Variants in TAFA1 observed in about 807,000 individuals in gnomAD.
TAFA1 encodes the protein chemokine-like protein TAFA-1.
A neutral mutation model predicts 18.5 loss-of-function variants in TAFA1; 4 were observed. The ratio of observed to expected loss-of-function variants is 0.22; its 90% CI spans 0.11 to 0.49. The LOEUF (loss-of-function observed/expected upper bound fraction) is 0.49, where lower values mean the gene tolerates loss of function less well. Among genes scored for constraint, TAFA1 ranks in the 20% least tolerant of loss-of-function variants. The pLI is 0.98. For synonymous variants in TAFA1, 56 were observed against 55.2 expected (o/e 1.01, Z -0.06); for missense variants, 147 against 169.0 (o/e 0.87, Z 0.72).
intron 2 of TAFA1, among the ~76,000 whole-genome samples, chr3:68,172,356 A>G (rs2066066458): frequency 6.6e-6 from 1 of 152,162 alleles, no homozygotes; most frequent in Non-Finnish European, 1.5e-5. Flanking sequence ...ATACTACTTC[A>G]TACCTCCTAA....
chr3:68,272,613 C>G (rs9870696), intron 2 of TAFA1, among the ~76,000 whole-genome samples: 1,975 of 152,106 alleles, frequency 0.013, 46 homozygotes, highest in African/African-American at 0.045. Context: ...TTAAGAATAC[C>G]AGCAGTTTTT....
intron 2 of TAFA1, among the ~76,000 whole-genome samples, chr3:68,357,593 A>T (rs2106787005): frequency 6.6e-6 from 1 of 152,040 alleles, no homozygotes; most frequent in Admixed American, 6.6e-5. Context: ...TTTCTCTGCT[A>T]GGCCAGCCAA....
intron 2 of TAFA1, among the ~76,000 whole-genome samples, chr3:68,074,187 T>C (rs2064795777): frequency 6.6e-6 from 1 of 152,098 alleles, no homozygotes; most frequent in African/African-American, 2.4e-5. Context: ...CTATGAGAAT[T>C]TAACACCACC....
At chr3:68,168,540 C>T (rs2066013319) in intron 2 of TAFA1, among the ~76,000 whole-genome samples, 1 of 152,092 alleles carries the variant, frequency 6.6e-6, no homozygotes, top group South Asian at 2.1e-4. Flanking sequence ...AATTCTATTC[C>T]AGTCTAGGAG....
chr3:68,143,837 C>T (rs1168343898), intron 2 of TAFA1, among the ~76,000 whole-genome samples: 1 of 152,132 alleles, frequency 6.6e-6, no homozygotes, highest in Non-Finnish European at 1.5e-5. Flanking sequence ...TCCTAAGATC[C>T]CTGCCAATCC....
At chr3:68,153,010 A>G (rs1361826377) in intron 2 of TAFA1, among the ~76,000 whole-genome samples, 2 of 152,132 alleles carry the variant, frequency 1.3e-5, no homozygotes, top group Non-Finnish European at 2.9e-5. Context: ...TTGGTCCCCA[A>G]AGGGAAGTTG....
At chr3:68,050,041 G>T (rs1460265252) in intron 2 of TAFA1, among the ~76,000 whole-genome samples, 2 of 152,062 alleles carry the variant, frequency 1.3e-5, no homozygotes, top group African/African-American at 4.8e-5. Flanking sequence ...CTTTGTGCAG[G>T]TTACATAACC....
chr3:68,461,282 A>C (rs1575888191), intron 3 of TAFA1, among the ~76,000 whole-genome samples: 2 of 140,148 alleles, frequency 1.4e-5, no homozygotes, highest in Non-Finnish European at 1.5e-5. Context: ...ACTCTGCCAA[A>C]AAACAAACAA....
intron 2 of TAFA1, among the ~76,000 whole-genome samples, chr3:68,224,896 CTTTTTTTTTT>C (rs71112624): frequency 3.0e-4 from 14 of 46,366 alleles, no homozygotes; most frequent in African/African-American, 1.2e-3. Flanking sequence ...GCTTGTGGCA[CTTTTTTTTTT>C]TTTTTTTTTT....
intron 3 of TAFA1, among the ~76,000 whole-genome samples, chr3:68,487,378 T>C (rs2072363772): frequency 6.6e-6 from 1 of 152,228 alleles, no homozygotes; most frequent in Non-Finnish European, 1.5e-5. Context: ...GCAAGTTAAT[T>C]ATGTTTTATG....
Position 68,370,470 on chromosome 3 carries a change from GTGTATATATATATATATATATATA to G in TAFA1, c.119-46808_119-46785del, listed in dbSNP as rs1438507089. ...TGTATATATATGTGTGTGTGTGTGT[GTGTATATATATATATATATATATA>G]TATATATATATATATATATATACCC... On this transcript the variant is annotated intron_variant, in intron 2 of 4. Coordinates refer to ENST00000478136, the MANE Select transcript of TAFA1 (RefSeq NM_213609.4). Among the ~76,000 whole-genome samples, 237 of 31,162 alleles carry G rather than the reference GTGTATATATATATATATATATATA, an allele frequency of 7.6e-3. 10 individuals carry two copies. Among genetic ancestry groups the G allele is most frequent in the Middle Eastern group, 0.022 (1 of 46 alleles). 20.4% of individuals were successfully genotyped at this position (31,162 alleles called of 152,430 possible).
chr3:68,413,433 A>G (rs1054320928), intron 2 of TAFA1, among the ~76,000 whole-genome samples: 3 of 152,204 alleles, frequency 2.0e-5, no homozygotes, highest in African/African-American at 7.2e-5. Context: ...GAAAAACTCA[A>G]TAAATGATTA....
At chr3:68,224,485 C>A (rs1218261315) in intron 2 of TAFA1, among the ~76,000 whole-genome samples, 2 of 152,158 alleles carry the variant, frequency 1.3e-5, no homozygotes, top group Non-Finnish European at 1.5e-5. Flanking sequence ...CTGTGGCAAA[C>A]TTTTTGGCTT....
chr3:68,175,480 T>G (rs2066111734), intron 2 of TAFA1, among the ~76,000 whole-genome samples: 1 of 152,204 alleles, frequency 6.6e-6, no homozygotes, highest in African/African-American at 2.4e-5. Flanking sequence ...CAGTGTGACC[T>G]GCATGTGAGA....
chr3:68,491,613 C>T (rs999683430), intron 3 of TAFA1, among the ~76,000 whole-genome samples: 27 of 151,852 alleles, frequency 1.8e-4, no homozygotes, highest in Admixed American at 5.2e-4. Context: ...ATGGGTGCAG[C>T]ACACCAACAT....
At chr3:68,511,045 A>G (rs2072838381) in intron 3 of TAFA1, among the ~76,000 whole-genome samples, 1 of 152,184 alleles carries the variant, frequency 6.6e-6, no homozygotes, top group Admixed American at 6.6e-5. Context: ...TTGATTTTCC[A>G]GAGTATACAT....
At chr3:68,479,241 A>AAAAAAATATATATAT (rs1353493315) in intron 3 of TAFA1, among the ~76,000 whole-genome samples, 11 of 123,674 alleles carry the variant, frequency 8.9e-5, no homozygotes, top group African/African-American at 2.9e-4. Flanking sequence ...AAAAAAAAAA[A>AAAAAAATATATATAT]ATATATATAT....
intron 2 of TAFA1, among the ~76,000 whole-genome samples, chr3:68,043,370 C>G (rs962899642): frequency 6.6e-6 from 1 of 152,042 alleles, no homozygotes; most frequent in Non-Finnish European, 1.5e-5. Flanking sequence ...TATTTTTGTT[C>G]TTTATAAGCC....
In TAFA1 at chr3:68,349,954, C is replaced by A. The variant is rs2069236121; in HGVS notation, c.119-67326C>A. Among the ~76,000 whole-genome samples, 3 of 152,128 alleles carry A rather than the reference C, an allele frequency of 2.0e-5. No individual in the cohort carries two copies. In the South Asian group the frequency reaches 6.2e-4, roughly 31 times the overall value. On this transcript the variant is annotated intron_variant, in intron 2 of 4. Transcript: ENST00000478136. The stretch of plus-strand genomic sequence containing the variant: ...ACTTTATGGTTTGCCACAGTCCCCA[C>A]TACTCCCTATGAACTCCCAACCCAG...
Sources: allele counts gnomAD v4.1 joint callset (sites outside exome capture counted in the v4.1 genomes callset), GRCh38; gene constraint gnomAD v4.1.1; transcripts MANE v1.5; gene names NCBI Gene and HGNC (gene_info 2026-07-23, HGNC 2026-07-21).